The following CACNA2D3 variants were observed in gnomAD, a reference collection of about 807,000 sequenced individuals.
The protein encoded by CACNA2D3 is calcium voltage-gated channel auxiliary subunit alpha2delta 3.
Under a neutral mutation model 160.6 loss-of-function variants are expected in CACNA2D3, and 60 were observed. That is an observed-to-expected ratio of 0.37 (90% CI 0.30 to 0.46). CACNA2D3 has a LOEUF of 0.46. CACNA2D3 is among the 20% of genes least tolerant of loss of function. The pLI, the probability that CACNA2D3 is intolerant of heterozygous loss-of-function variation, is 1.00. For missense variants in CACNA2D3, 1,205 were observed against 1,365.0 expected (o/e 0.88, Z 1.85); for synonymous variants, 558 against 492.9 (o/e 1.13, Z -1.75).
intron 13 of CACNA2D3, among the ~76,000 whole-genome samples, chr3:54,772,801 T>C (rs1209607616): frequency 6.6e-6 from 1 of 152,194 alleles, no homozygotes; most frequent in African/African-American, 2.4e-5. Context: ...ATTTGTTCCA[T>C]TTTAAAAGCA....
intron 27 of CACNA2D3, among the ~76,000 whole-genome samples, chr3:54,962,145 C>T (rs1702045284): frequency 6.6e-6 from 1 of 152,162 alleles, no homozygotes; most frequent in Non-Finnish European, 1.5e-5. Flanking sequence ...AAAGTGCCAC[C>T]TCTTAATACT....
intron 5 of CACNA2D3, among the ~76,000 whole-genome samples, chr3:54,508,183 A>T (rs1701402685): frequency 6.6e-6 from 1 of 152,202 alleles, no homozygotes; most frequent in Non-Finnish European, 1.5e-5. Context: ...AAAGGCAGTT[A>T]TGGAGCCTGG....
intron 25 of CACNA2D3, among the ~76,000 whole-genome samples, chr3:54,896,436 C>T (rs552633653): frequency 2.0e-5 from 3 of 152,258 alleles, no homozygotes; most frequent in Non-Finnish European, 4.4e-5. Flanking sequence ...TTAGAGGGGA[C>T]ATCCTTGGGT....
intron 5 of CACNA2D3, among the ~76,000 whole-genome samples, chr3:54,536,073 C>A (rs1167456569): frequency 1.3e-5 from 2 of 152,220 alleles, no homozygotes; most frequent in Non-Finnish European, 2.9e-5. Flanking sequence ...TGTATTCCAT[C>A]TAAAAATGTG....
chr3:54,231,671 T>C (rs1701771703), intron 2 of CACNA2D3, among the ~76,000 whole-genome samples: 1 of 152,222 alleles, frequency 6.6e-6, no homozygotes, highest in Non-Finnish European at 1.5e-5. Flanking sequence ...ATATTTCTAG[T>C]GTGTAATAAA....
At chr3:54,248,022 T>TA (rs1702114839) in intron 2 of CACNA2D3, among the ~76,000 whole-genome samples, 1 of 152,242 alleles carries the variant, frequency 6.6e-6, no homozygotes, top group African/African-American at 2.4e-5. Flanking sequence ...CGGTGACTGT[T>TA]ACCCTGGATG....
intron 29 of CACNA2D3, among the ~76,000 whole-genome samples, chr3:54,973,754 C>T (rs17255170): frequency 0.043 from 6,584 of 152,248 alleles, 218 homozygotes; most frequent in Non-Finnish European, 0.063. Context: ...TAGGTGACCC[C>T]TCTGCAATAA....
chr3:54,853,689 A>ACTCTGGGCT (rs2106787525), intron 17 of CACNA2D3, among the ~76,000 whole-genome samples: 1 of 152,310 alleles, frequency 6.6e-6, no homozygotes, highest in South Asian at 2.1e-4. Flanking sequence ...GGGCTCACAG[A>ACTCTGGGCT]CAAAGTCTCT....
intron 35 of CACNA2D3, among the ~76,000 whole-genome samples, chr3:55,030,459 A>G (rs992533697): frequency 5.3e-5 from 8 of 152,174 alleles, no homozygotes; most frequent in Non-Finnish European, 8.8e-5. Flanking sequence ...AGCTCTTACA[A>G]TGAATATCCT....
At chr3:54,463,674 A>C (rs1286801915) in intron 4 of CACNA2D3, among the ~76,000 whole-genome samples, 1 of 151,826 alleles carries the variant, frequency 6.6e-6, no homozygotes, top group Admixed American at 6.6e-5. Context: ...CATTCGTCTA[A>C]GTTTTTAATC....
In CACNA2D3 at chr3:54,129,848, CAAT is replaced by C. The variant is rs201096822; in HGVS notation, c.204+6257_204+6259del. 1.4e-4 allele frequency among the ~76,000 whole-genome samples: 21 copies of C among 152,286 alleles called. No homozygotes were observed. In the East Asian group the frequency reaches 3.9e-3, roughly 28 times the overall value. Reference sequence around the variant, plus strand: ...TGTGTGTATGTGTGCGTGCCTGTGCCAATAAAAATGGATGCTGCTCATCACAGA... The same window carrying C: ...TGTGTGTATGTGTGCGTGCCTGTGCCAAAAATGGATGCTGCTCATCACAGA... On this transcript the variant is annotated intron_variant, in intron 2 of 37. Coordinates refer to ENST00000474759, the MANE Select transcript of CACNA2D3 (RefSeq NM_018398.3).
intron 13 of CACNA2D3, 25 bp downstream of exon 13, chr3:54,764,376 G>A (rs1295253936): frequency 1.9e-6 from 3 of 1,612,974 alleles, no homozygotes; most frequent in Non-Finnish European, 2.5e-6. Context: ...CCCTGGGAAA[G>A]AGGCTAAGCT....
chr3:54,248,124 CTA>C (rs1702117232), intron 2 of CACNA2D3, among the ~76,000 whole-genome samples: 1 of 150,136 alleles, frequency 6.7e-6, no homozygotes, highest in South Asian at 2.1e-4. Context: ...CCCAATGTGA[CTA>C]TATGTGGAGA....
At chr3:54,483,797 CTT>C (rs2106905194) in intron 4 of CACNA2D3, among the ~76,000 whole-genome samples, 1 of 152,296 alleles carries the variant, frequency 6.6e-6, no homozygotes, top group Non-Finnish European at 1.5e-5. Context: ...ATTTCTGTAA[CTT>C]ATTGTAATTC....
At chr3:54,565,655 A>G (rs568265658) in intron 6 of CACNA2D3, among the ~76,000 whole-genome samples, 36 of 152,328 alleles carry the variant, frequency 2.4e-4, no homozygotes, top group Admixed American at 2.6e-4. Flanking sequence ...ATTTAACTTT[A>G]TTTAAAATTA....
intron 13 of CACNA2D3, among the ~76,000 whole-genome samples, chr3:54,786,101 T>A (rs894387852): frequency 2.0e-5 from 3 of 152,208 alleles, no homozygotes; most frequent in African/African-American, 7.2e-5. Context: ...ACTCCTCAAA[T>A]AGAAAGGGAC....
intron 2 of CACNA2D3, among the ~76,000 whole-genome samples, chr3:54,271,316 C>G (rs1191071781): frequency 1.3e-5 from 2 of 152,158 alleles, no homozygotes; most frequent in Non-Finnish European, 2.9e-5. Context: ...CAACCATCCT[C>G]TGTTCCCTGC....
chr3:54,961,453 C>G (rs1185620368), intron 27 of CACNA2D3, among the ~76,000 whole-genome samples: 1 of 152,214 alleles, frequency 6.6e-6, no homozygotes, highest in African/African-American at 2.4e-5. Flanking sequence ...TGTATTCCCT[C>G]TAATAAAACT....
chr3:54,392,576 G>A (rs1395094734), intron 4 of CACNA2D3, among the ~76,000 whole-genome samples: 1 of 152,202 alleles, frequency 6.6e-6, no homozygotes, highest in African/African-American at 2.4e-5. Context: ...GGAAGGGAAA[G>A]GAGCTGGCAG....
Sources: gnomAD v4.1 joint callset for allele counts (sites outside exome capture counted in the v4.1 genomes callset) on GRCh38, gnomAD v4.1.1 for gene constraint, MANE v1.5 for transcripts, NCBI Gene and HGNC (gene_info 2026-07-23, HGNC 2026-07-21) for gene names.